The following PDE1C variants were observed in gnomAD, a reference collection of about 807,000 sequenced individuals.
PDE1C encodes the protein phosphodiesterase 1C, also known as dual specificity calcium/calmodulin-dependent 3',5'-cyclic nucleotide phosphodiesterase 1C.
A neutral mutation model predicts 93.1 loss-of-function variants in PDE1C; 62 were observed. That is an observed-to-expected ratio of 0.67 (90% CI 0.54 to 0.82). The LOEUF is 0.82. Among genes scored for constraint, PDE1C ranks in the 40% least tolerant of loss-of-function variants. The pLI is 0.00. For synonymous variants in PDE1C, 325 were observed against 310.1 expected, an observed-to-expected ratio of 1.05 and a Z score of -0.50; for missense variants, 742 against 884.6, an observed-to-expected ratio of 0.84 and a Z score of 2.04.
intron 11 of PDE1C, among the ~76,000 whole-genome samples, chr7:31,830,499 G>A (rs1461856137): frequency 2.0e-5 from 3 of 152,136 alleles, no homozygotes; most frequent in African/African-American, 7.2e-5. Context: ...GCACACAGAA[G>A]GAAGATAATG....
intron 2 of PDE1C, among the ~76,000 whole-genome samples, chr7:32,181,029 T>C (rs17160951): frequency 0.075 from 11,480 of 152,218 alleles, 668 homozygotes; most frequent in East Asian, 0.33. Flanking sequence ...TGAAACTGGA[T>C]GTGAAATGAA....
intron 17 of PDE1C, among the ~76,000 whole-genome samples, chr7:31,756,514 G>A (rs778652005): frequency 2.6e-5 from 4 of 152,096 alleles, no homozygotes; most frequent in South Asian, 2.1e-4. Flanking sequence ...GGGTTATCCC[G>A]GATGGGACCC....
intron 2 of PDE1C, among the ~76,000 whole-genome samples, chr7:31,900,266 T>C (rs1020240070): frequency 3.3e-5 from 5 of 152,298 alleles, no homozygotes; most frequent in Middle Eastern, 3.4e-3. Context: ...TTGTATTAAA[T>C]GTCTGTTGCA....
At chr7:32,305,482 A>G (rs1812975357) in intron 1 of PDE1C, among the ~76,000 whole-genome samples, 1 of 152,196 alleles carries the variant, frequency 6.6e-6, no homozygotes, top group African/African-American at 2.4e-5. Flanking sequence ...TCACTAAGCA[A>G]CAAGTATAGT....
At position 31,873,408 on chromosome 7, in the gene PDE1C, C is replaced by G; in HGVS notation, c.493G>C (p.Asp165His). The change falls in exon 6 of 18, where the codon GAT (aspartate) becomes CAT (histidine). Residue 165 changes from aspartate to histidine, a missense_variant and splice_region_variant. Asp to His is a moderately conservative substitution (Grantham distance 81, BLOSUM62 -1). Transcript: ENST00000396191. ...YPPAVIEALK[D>H]VDKWSFDVFS... Reference sequence around the variant, plus strand: ...ACGTCAAAGGACCACTTGTCCACATCCTGCAGGACAGGGTGGGGAGAAAGA... The same window carrying G: ...ACGTCAAAGGACCACTTGTCCACATGCTGCAGGACAGGGTGGGGAGAAAGA... 1 of 1,587,332 alleles carries G rather than the reference C, an allele frequency of 6.3e-7. No homozygotes were observed. Among genetic ancestry groups the G allele is most frequent in the East Asian group, 2.2e-5 (1 of 44,700 alleles).
chr7:31,761,942 G>C (rs1794856854), intron 17 of PDE1C, among the ~76,000 whole-genome samples: 1 of 152,172 alleles, frequency 6.6e-6, no homozygotes, highest in Non-Finnish European at 1.5e-5. Flanking sequence ...ACTTCACAGG[G>C]CAATGGTAAG....
chr7:31,822,113 C>T (rs1338274973), intron 14 of PDE1C, among the ~76,000 whole-genome samples: 1 of 152,068 alleles, frequency 6.6e-6, no homozygotes, highest in Non-Finnish European at 1.5e-5. Context: ...TCCCCTGCCA[C>T]AAGATTGTGA....
intron 2 of PDE1C, among the ~76,000 whole-genome samples, chr7:31,930,842 C>T (rs1804106670): frequency 1.4e-5 from 1 of 72,784 alleles, no homozygotes; most frequent in East Asian, 4.0e-4. Context: ...GAGCAAGACT[C>T]TGTCTCAAAA....
At chr7:32,016,734 A>C (rs1424690038) in intron 2 of PDE1C, among the ~76,000 whole-genome samples, 2 of 152,208 alleles carry the variant, frequency 1.3e-5, no homozygotes, top group African/African-American at 4.8e-5. Flanking sequence ...TACATCAATA[A>C]AGTGAATAAA....
chr7:31,921,265 G>A, intron 2 of PDE1C, among the ~76,000 whole-genome samples: 1 of 152,186 alleles, frequency 6.6e-6, no homozygotes, highest in Non-Finnish European at 1.5e-5. Context: ...GAGTTAAGAG[G>A]AGATAGAACA....
At chr7:32,058,849 C>G (rs570748645) in intron 1 of PDE1C, among the ~76,000 whole-genome samples, 49 of 151,944 alleles carry the variant, frequency 3.2e-4, no homozygotes, top group Non-Finnish European at 6.2e-4. Flanking sequence ...GTCTTACTAG[C>G]TCGAATATTT....
intron 6 of PDE1C, among the ~76,000 whole-genome samples, chr7:31,866,426 G>A (rs1795303242): frequency 6.6e-6 from 1 of 152,278 alleles, no homozygotes; most frequent in Middle Eastern, 3.4e-3. Flanking sequence ...TCGCTGAAAG[G>A]GCTGTGTGTG....
intron 1 of PDE1C, among the ~76,000 whole-genome samples, chr7:32,329,362 G>T (rs910279867): frequency 5.3e-5 from 8 of 152,164 alleles, no homozygotes; most frequent in African/African-American, 1.9e-4. Context: ...CGTAGCCATT[G>T]TTTACTGGGC....
At chr7:32,368,866 A>C (rs755255009) in intron 1 of PDE1C, among the ~76,000 whole-genome samples, 6 of 152,084 alleles carry the variant, frequency 3.9e-5, no homozygotes, top group Non-Finnish European at 8.8e-5. Flanking sequence ...CAATTTATTG[A>C]ACAAAAGCAC....
At chr7:31,651,060 T>TG in the PDE1C span, 1 of 1,489,676 alleles carries the variant, frequency 6.7e-7, no homozygotes, top group Non-Finnish European at 9.0e-7. Flanking sequence ...GGATCCCAAA[T>TG]GGGAAGACAG....
intron 17 of PDE1C, among the ~76,000 whole-genome samples, chr7:31,768,610 T>C (rs1318133737): frequency 1.3e-5 from 2 of 152,220 alleles, no homozygotes; most frequent in African/African-American, 4.8e-5. Context: ...TAGGTCCATA[T>C]TGAAACATCC....
At chr7:31,677,365 A>C in the PDE1C span, among the ~76,000 whole-genome samples, 2 of 152,178 alleles carry the variant, frequency 1.3e-5, no homozygotes, top group African/African-American at 4.8e-5. Context: ...GAAAACTATA[A>C]ACCAGTCTCA....
At chr7:31,966,145 T>A (rs1809919849) in intron 2 of PDE1C, among the ~76,000 whole-genome samples, 1 of 152,128 alleles carries the variant, frequency 6.6e-6, no homozygotes, top group South Asian at 2.1e-4. Context: ...AATATTCCAA[T>A]TAAAAGGCAC....
At chr7:31,938,673 C>T (rs1192099545) in intron 2 of PDE1C, among the ~76,000 whole-genome samples, 1 of 152,090 alleles carries the variant, frequency 6.6e-6, no homozygotes, top group African/African-American at 2.4e-5. Context: ...TAAAACTATT[C>T]AATAATTCAC....
Sources: gnomAD v4.1 joint callset for allele counts (sites outside exome capture counted in the v4.1 genomes callset) on GRCh38, gnomAD v4.1.1 for gene constraint, MANE v1.5 for transcripts, NCBI Gene and HGNC (gene_info 2026-07-23, HGNC 2026-07-21) for gene names.